The following SUGP2 variants were observed in gnomAD, a reference collection of about 807,000 sequenced individuals.
SUGP2 encodes SURP and G-patch domain containing 2.
A neutral mutation model predicts 90.5 loss-of-function variants in SUGP2; 24 were observed. The observed-to-expected ratio is 0.27, with a 90% confidence interval of 0.19 to 0.37. The LOEUF is 0.37. Ranked by LOEUF, SUGP2 falls within the 10% of genes least tolerant of loss-of-function variation. The pLI, the probability that SUGP2 is intolerant of heterozygous loss-of-function variation, is 1.00. For synonymous variants in SUGP2, 473 were observed against 513.4 expected, an observed-to-expected ratio of 0.92 and a Z score of 1.06; for missense variants, 1,233 against 1,363.3, an observed-to-expected ratio of 0.90 and a Z score of 1.51.
chr19:19,027,652 CAG>C (rs772687479), intron 2 of SUGP2, among the ~76,000 whole-genome samples: 193 of 148,638 alleles, frequency 1.3e-3, no homozygotes, highest in Non-Finnish European at 2.5e-3. Flanking sequence ...TTTTTTGAGA[CAG>C]AGTCTCGCTC....
chr19:19,004,449 G>A lies in SUGP2; in HGVS notation c.2648C>T (p.Ala883Val), dbSNP rs1303541157. Residue 883 changes from alanine (A) to valine (V), a missense_variant, in exon 7 of 11, where the codon GCT becomes GTT. Physicochemically the swap from Ala to Val is moderately conservative, Grantham distance 64. Around this residue, in one of 8 missense-constraint regions of SUGP2, gnomAD observed 540 missense variants for 542.6 expected, o/e 1.00. Coordinates refer to ENST00000452918, the MANE Select transcript of SUGP2 (RefSeq NM_001017392.5). Reference sequence around the variant, plus strand: ...CATCACCTCTGGGCTCTCCAGCTCAGCCTCCCGCGGAGGGGGCTCGTCTTC... The same window carrying A: ...CATCACCTCTGGGCTCTCCAGCTCAACCTCCCGCGGAGGGGGCTCGTCTTC... ...EFEDEPPPRE[A>V]ELESPEVMPE... 3 of 1,614,082 alleles carry A rather than the reference G, an allele frequency of 1.9e-6. No individual in the cohort carries two copies. Among genetic ancestry groups the A allele is most frequent in the Non-Finnish European group, 2.5e-6 (3 of 1,180,040 alleles).
chr19:19,030,451 T>A lies in SUGP2; in HGVS notation c.121+500A>T, dbSNP rs563261231. On this transcript the variant is annotated intron_variant, in intron 2 of 10. Transcript: ENST00000452918. ...GTTGCAGTGAGCCAAGAGGCGGAGG[T>A]TGCAGTGAGCCAAGATCCCTCCATT... Among the ~76,000 whole-genome samples the A allele has an allele frequency of 1.2e-4, 18 of 151,872 alleles. No homozygotes were observed. The South Asian group carries it at 2.3e-3, about 19-fold the overall frequency.
chr19:19,025,538 T>G lies in SUGP2; in HGVS notation c.810A>C (p.Gln270His). Residue 270 changes from glutamine (Q) to histidine (H), a missense_variant, in exon 3 of 11, where the codon CAA (glutamine) becomes CAC (histidine). By Grantham distance (24) the Gln-to-His change is conservative. Coordinates refer to ENST00000452918, the MANE Select transcript of SUGP2 (RefSeq NM_001017392.5). ...RITPKTQGTN[Q>H]IQKNTPSPDV... is the part of the protein sequence containing the mutation. ...CAGGACTTGGAGTGTTTTTCTGGAT[T>G]TGGTTAGTGCCCTGAGTTTTGGGAG... 1.2e-6 allele frequency: 2 copies of G among 1,614,122 alleles called. No homozygotes were observed. Among genetic ancestry groups the G allele is most frequent in the South Asian group, 2.2e-5 (2 of 91,064 alleles).
intron 4 of SUGP2, among the ~76,000 whole-genome samples, chr19:19,012,850 T>C (rs928823314): frequency 3.3e-5 from 5 of 152,196 alleles, no homozygotes; most frequent in African/African-American, 1.2e-4. Flanking sequence ...CCTCTTATCA[T>C]GGTTTTGGAC....
intron 8 of SUGP2, among the ~76,000 whole-genome samples, chr19:19,001,089 C>T (rs537740840): frequency 3.3e-5 from 5 of 151,448 alleles, no homozygotes; most frequent in Admixed American, 2.0e-4. Flanking sequence ...GATCTCGGCT[C>T]ACTGCAAGCT....
At chr19:18,995,005 C>G (rs1267246388) in intron 9 of SUGP2, 139 bp downstream of exon 9, 18 of 983,074 alleles carry the variant, frequency 1.8e-5, no homozygotes, top group Non-Finnish European at 2.8e-5. Context: ...AGCTTCTCAT[C>G]TGAAGATGCC....
At position 19,015,204 on chromosome 19, in the gene SUGP2, A is replaced by AAAAT. The variant is rs140520431; in HGVS notation, c.1850+3901_1850+3904dup. 2.6e-3 allele frequency among the ~76,000 whole-genome samples: 383 copies of AAAAT among 146,630 alleles called. 3 individuals are homozygous for AAAAT. The highest frequency in any genetic ancestry group is 0.025 in the East Asian group (123 of 4,916). ...GGGACAGAGCGAGACTCTGTCTCAA[A>AAAAT]AAATAAATAAATAAATAAATAAATA... On this transcript the variant is annotated intron_variant, in intron 4 of 10. Coordinates refer to ENST00000452918, the MANE Select transcript of SUGP2 (RefSeq NM_001017392.5).
At chr19:19,027,017 A>G (rs1295465138) in intron 2 of SUGP2, among the ~76,000 whole-genome samples, 1 of 152,146 alleles carries the variant, frequency 6.6e-6, no homozygotes, top group African/African-American at 2.4e-5. Context: ...CAGTGGCTCA[A>G]ACCTATAATC....
chr19:18,994,596 A>C (rs2057498392), intron 9 of SUGP2, 110 bp from the exon 10 acceptor site: 2 of 1,409,562 alleles, frequency 1.4e-6, no homozygotes, highest in East Asian at 2.3e-5. Context: ...TGGGACACAC[A>C]CTGAGACATC....
chr19:19,031,784 G>T (rs958123516), intron 1 of SUGP2, among the ~76,000 whole-genome samples: 1 of 150,642 alleles, frequency 6.6e-6, no homozygotes, highest in African/African-American at 2.4e-5. Flanking sequence ...CATAATCCTC[G>T]CATGGTACTT....
At chr19:18,994,254 T>A in intron 10 of SUGP2, 112 bp downstream of exon 10, 1 of 1,409,728 alleles carries the variant, frequency 7.1e-7, no homozygotes, top group Non-Finnish European at 9.8e-7. Context: ...ATTTTTTTTG[T>A]GTGTGGCATT....
chr19:19,019,279 TGAG>T, intron 3 of SUGP2, 50 bp from the exon 4 acceptor site: 1 of 1,580,226 alleles, frequency 6.3e-7, no homozygotes, highest in Non-Finnish European at 8.7e-7. Flanking sequence ...ATGTGGGCTC[TGAG>T]AAGACGAGGA....
At position 19,009,850 on chromosome 19, in the gene SUGP2, C is replaced by A; in HGVS notation, c.2338+5G>T. On this transcript the variant is annotated splice_donor_5th_base_variant and intron_variant, in intron 5 of 10. Transcript: ENST00000452918. The stretch of plus-strand genomic sequence containing the variant: ...CAGAGGAGGGGGACAGGAGTGAGCA[C>A]CCACTGTCAGCAGATGGGCAGGGAG... The A allele has an allele frequency of 6.3e-7, 1 of 1,599,092 alleles. No homozygotes were observed. Among genetic ancestry groups the A allele is most frequent in the Non-Finnish European group, 8.5e-7 (1 of 1,171,092 alleles).
At chr19:19,016,238 C>A (rs141472971) in intron 4 of SUGP2, among the ~76,000 whole-genome samples, 62 of 151,924 alleles carry the variant, frequency 4.1e-4, no homozygotes, top group Middle Eastern at 3.4e-3. Context: ...TCACCGTGTT[C>A]GCCAGGATGG....
rs752274264 is a variant in SUGP2 at position 19,019,111 on chromosome 19, G to A, written c.1848C>T (p.Tyr616=). The A allele has an allele frequency of 1.2e-6, 2 of 1,613,648 alleles. No homozygotes were observed. Among genetic ancestry groups the A allele is most frequent in the East Asian group, 2.2e-5 (1 of 44,882 alleles). ...AGCGTGGACATTTAAAGACCTACCA[G>A]TAAGCAGGGTCCTCTTTGAGAAGAG... is the stretch of plus-strand genomic sequence containing the variant. The part of the protein sequence containing the change: ...ERTLLKEDPA[Y]WFLSDENSLE... Residue 616 remains tyrosine (Y), a splice_region_variant and synonymous_variant, in exon 4 of 11, where the codon TAC becomes TAT. Coordinates refer to ENST00000452918, the MANE Select transcript of SUGP2 (RefSeq NM_001017392.5).
rs34670209 is a variant in SUGP2 at position 19,007,755 on chromosome 19, C to CTTTTT, written c.2450+557_2450+561dup. ...ACAAGCATGAGCCATTGCACCTAGC[C>CTTTTT]TTTTTTTTTTTTTTTTTTTTTGGAG... is the stretch of plus-strand genomic sequence containing the variant. On this transcript the variant is annotated intron_variant, in intron 6 of 10. Transcript: ENST00000452918. Among the ~76,000 whole-genome samples, 2 of 113,432 alleles carry CTTTTT rather than the reference C, an allele frequency of 1.8e-5. 1 individual carries two copies. 74.4% of individuals were successfully genotyped at this position (113,432 alleles called of 152,430 possible). A position where few individuals can be genotyped will look rare whatever the true frequency, so the allele number is the denominator to read the frequency against.
At chr19:18,999,330 A>G (rs1445355539) in intron 8 of SUGP2, among the ~76,000 whole-genome samples, 1 of 152,152 alleles carries the variant, frequency 6.6e-6, no homozygotes, top group Non-Finnish European at 1.5e-5. Context: ...CATGTGCAGG[A>G]CACCCACCAG....
In SUGP2 at chr19:19,004,268, G is replaced by A; in HGVS notation, c.2829C>T (p.Ser943=). ...TCTTCCGAGGGAAGCAGGTACCTGA[G>A]GAGGCCTGTGACAAGGCAGGTGCTC... ...LAGAPALSQA[S]SGTCFPRKRI... is the part of the protein sequence containing the mutation. The change falls in exon 7 of 11, where the codon TCC becomes TCT. Residue 943 remains serine, a synonymous_variant. Transcript: ENST00000452918. 1 of 1,613,750 alleles carries A rather than the reference G, an allele frequency of 6.2e-7. No individual in the cohort carries two copies. The highest frequency in any genetic ancestry group is 8.5e-7 in the Non-Finnish European group (1 of 1,179,700).
Position 18,993,285 on chromosome 19 carries a change from T to C in SUGP2, c.*456A>G, listed in dbSNP as rs1256024075. 1 of 152,166 alleles carries C rather than the reference T, an allele frequency of 6.6e-6. No homozygotes were observed. Among genetic ancestry groups the C allele is most frequent in the Non-Finnish European group, 1.5e-5 (1 of 68,030 alleles). The allele number at this position is 152,166 out of a possible 1,614,324, so 9.4% of individuals were successfully genotyped here. On this transcript the variant is annotated 3_prime_UTR_variant, in exon 11 of 11. Transcript: ENST00000452918. Reference sequence around the variant, plus strand: ...GCAGACTTGGTAATTACCGGGAATTTGTCTCCCCCGTATAAATTCTGGCGA... The same window carrying C: ...GCAGACTTGGTAATTACCGGGAATTCGTCTCCCCCGTATAAATTCTGGCGA...
Sources: allele counts gnomAD v4.1 joint callset (sites outside exome capture counted in the v4.1 genomes callset), GRCh38; gene constraint gnomAD v4.1.1; regional missense constraint gnomAD v4.1.1; transcripts MANE v1.5; gene names NCBI Gene and HGNC (gene_info 2026-07-23, HGNC 2026-07-21).